CAP2: variants seen among roughly 807,000 people sequenced by gnomAD.
The protein encoded by CAP2 is adenylyl cyclase-associated protein 2.
In CAP2, 24 loss-of-function variants were observed where a neutral mutation model predicts 57.7. The observed-to-expected ratio is 0.42, with a 90% CI of 0.30 to 0.58. CAP2 has a LOEUF of 0.58. Among genes scored for constraint, CAP2 ranks in the 20% least tolerant of loss-of-function variants. The pLI is 0.22. For synonymous variants in CAP2, 194 were observed against 207.2 expected, an observed-to-expected ratio of 0.94 and a Z score of 0.55; for missense variants, 501 against 590.3, an observed-to-expected ratio of 0.85 and a Z score of 1.57.
At chr6:17,453,552 C>T (rs7755340) in intron 3 of CAP2, among the ~76,000 whole-genome samples, 16,985 of 152,110 alleles carry the variant, frequency 0.11, 3,075 homozygotes, top group African/African-American at 0.38. Context: ...CCTTATCAAA[C>T]GGTTAATACA....
intron 4 of CAP2, among the ~76,000 whole-genome samples, chr6:17,469,416 CTG>C (rs145245116): frequency 0.021 from 3,126 of 150,058 alleles, 93 homozygotes; most frequent in African/African-American, 0.066. Flanking sequence ...CTGTGTGTGT[CTG>C]TGTGTGTGTG....
At chr6:17,437,442 G>A (rs1014645268) in intron 3 of CAP2, among the ~76,000 whole-genome samples, 1 of 152,222 alleles carries the variant, frequency 6.6e-6, no homozygotes, top group African/African-American at 2.4e-5. Flanking sequence ...CAATGGATGA[G>A]TGTGTCTGTT....
chr6:17,412,368 C>T (rs1759161077), intron 1 of CAP2, among the ~76,000 whole-genome samples: 2 of 152,146 alleles, frequency 1.3e-5, no homozygotes, highest in South Asian at 4.1e-4. Context: ...TCTTAAGCCA[C>T]TGAATGAGGA....
At chr6:17,423,326 G>T (rs1759495598) in intron 2 of CAP2, among the ~76,000 whole-genome samples, 1 of 152,324 alleles carries the variant, frequency 6.6e-6, no homozygotes, top group Admixed American at 6.5e-5. Context: ...AGGGGGTGTT[G>T]TTTTAAGGAA....
intron 4 of CAP2, among the ~76,000 whole-genome samples, chr6:17,487,600 G>A (rs2113630742): frequency 6.6e-6 from 1 of 152,268 alleles, no homozygotes; most frequent in Admixed American, 6.5e-5. Flanking sequence ...TTCCTGAGTA[G>A]CTGGGATTAC....
chr6:17,448,074 C>G (rs1283960053), intron 3 of CAP2, among the ~76,000 whole-genome samples: 1 of 152,206 alleles, frequency 6.6e-6, no homozygotes, highest in African/African-American at 2.4e-5. Flanking sequence ...CTATGTGGCG[C>G]CACAAGGCAT....
chr6:17,546,427 G>A (rs1316780986), intron 11 of CAP2, among the ~76,000 whole-genome samples: 1 of 152,064 alleles, frequency 6.6e-6, no homozygotes, highest in South Asian at 2.1e-4. Context: ...TGAGTTCTTT[G>A]TAGATTCTGG....
intron 1 of CAP2, among the ~76,000 whole-genome samples, chr6:17,398,645 C>T (rs1473416678): frequency 1.3e-5 from 2 of 151,862 alleles, no homozygotes; most frequent in Non-Finnish European, 2.9e-5. Flanking sequence ...CTGCCTCAGC[C>T]TCCCAAGTAG....
rs149265931 is a variant in CAP2, at chr6:17,523,075, G to A, written c.636+9121G>A. Among the ~76,000 whole-genome samples the A allele has an allele frequency of 5.0e-3, 759 of 152,316 alleles. 7 individuals are homozygous for A. The highest frequency in any genetic ancestry group is 0.017 in the African/African-American group (700 of 41,580). On this transcript the variant is annotated intron_variant, in intron 7 of 12. Transcript: ENST00000229922. ...CAGAAAGCAACACACTGTGAATAAT[G>A]ACTTAGGAATTGCATAAGATAGATG...
At chr6:17,467,619 C>G (rs1008700161) in intron 4 of CAP2, among the ~76,000 whole-genome samples, 3 of 152,048 alleles carry the variant, frequency 2.0e-5, no homozygotes, top group African/African-American at 7.2e-5. Flanking sequence ...AGCCTCCTAG[C>G]TTCAAGCAAT....
chr6:17,473,315 T>G (rs981024494), intron 4 of CAP2, among the ~76,000 whole-genome samples: 1 of 152,222 alleles, frequency 6.6e-6, no homozygotes, highest in Admixed American at 6.5e-5. Context: ...AGGGAATTTT[T>G]TATTCTCCAT....
At chr6:17,443,907 C>T (rs958093003) in intron 3 of CAP2, among the ~76,000 whole-genome samples, 3 of 152,102 alleles carry the variant, frequency 2.0e-5, no homozygotes, top group Admixed American at 6.6e-5. Context: ...AAGTCTTTTT[C>T]ATGTATCAAA....
intron 3 of CAP2, among the ~76,000 whole-genome samples, chr6:17,462,614 G>C (rs887513981): frequency 6.6e-6 from 1 of 152,042 alleles, no homozygotes; most frequent in African/African-American, 2.4e-5. Context: ...CTATAGATTT[G>C]CTTCTCCTGG....
intron 1 of CAP2, among the ~76,000 whole-genome samples, chr6:17,397,651 C>T (rs1200782750): frequency 2.8e-5 from 4 of 145,320 alleles, no homozygotes; most frequent in South Asian, 2.2e-4. Context: ...GCCGAGATCG[C>T]GCCACTGCAC....
At chr6:17,425,996 G>A (rs755767673) in intron 2 of CAP2, among the ~76,000 whole-genome samples, 3 of 151,938 alleles carry the variant, frequency 2.0e-5, no homozygotes, top group Non-Finnish European at 4.4e-5. Flanking sequence ...TTGGGAGCCT[G>A]AGGCTGGAGA....
In CAP2 at chr6:17,426,653, A is replaced by G; in HGVS notation, c.185A>G (p.Lys62Arg). Residue 62 changes from lysine (K) to arginine (R), a missense_variant, in exon 3 of 13, where the codon AAG becomes AGG. Physicochemically the swap from Lys to Arg is conservative, Grantham distance 26. Transcript: ENST00000229922. ...LMDSMVAEFL[K>R]NSRILAGDVE... Reference sequence around the variant, plus strand: ...GACAGTATGGTGGCCGAGTTTTTAAAGAACAGTAGGATCCTTGCTGGGGAC... The same window carrying G: ...GACAGTATGGTGGCCGAGTTTTTAAGGAACAGTAGGATCCTTGCTGGGGAC... 1.9e-6 allele frequency: 3 copies of G among 1,614,078 alleles called. No homozygotes were observed. Among genetic ancestry groups the G allele is most frequent in the South Asian group, 1.1e-5 (1 of 91,080 alleles).
intron 7 of CAP2, among the ~76,000 whole-genome samples, chr6:17,538,824 C>T (rs1449410030): frequency 1.3e-5 from 2 of 152,188 alleles, no homozygotes; most frequent in Non-Finnish European, 2.9e-5. Flanking sequence ...CATCCAATCA[C>T]CACTGAATAT....
chr6:17,498,727 T>G (rs1761728251), intron 4 of CAP2, among the ~76,000 whole-genome samples: 1 of 151,988 alleles, frequency 6.6e-6, no homozygotes, highest in South Asian at 2.1e-4. Context: ...TTTATTTATT[T>G]TATTTATTTA....
chr6:17,417,462 G>A (rs1759312439), intron 1 of CAP2, among the ~76,000 whole-genome samples: 1 of 151,938 alleles, frequency 6.6e-6, no homozygotes, highest in African/African-American at 2.4e-5. Flanking sequence ...TTTATGTAGA[G>A]ATGGGTTTCG....
Sources: gnomAD v4.1 joint callset for allele counts (sites outside exome capture counted in the v4.1 genomes callset) on GRCh38, gnomAD v4.1.1 for gene constraint, MANE v1.5 for transcripts, NCBI Gene and HGNC (gene_info 2026-07-23, HGNC 2026-07-21) for gene names.